The following VRK2 variants were observed in gnomAD, a reference collection of about 807,000 sequenced individuals.
VRK2 encodes the protein VRK serine/threonine kinase 2, also known as serine/threonine-protein kinase VRK2.
In VRK2, 60 loss-of-function variants were observed where a neutral mutation model predicts 57.6. That is an observed-to-expected ratio of 1.04 (90% CI 0.85 to 1.29). The LOEUF is 1.29. VRK2 is among the 50% of genes most tolerant of loss of function. VRK2 has a pLI of 0.00. For missense variants in VRK2, 705 were observed against 588.1 expected, an observed-to-expected ratio of 1.20 and a Z score of -2.06; for synonymous variants, 231 against 199.2, an observed-to-expected ratio of 1.16 and a Z score of -1.35.
At chr2:57,926,378 T>G (rs1477594540) in intron 1 of VRK2, among the ~76,000 whole-genome samples, 1 of 151,460 alleles carries the variant, frequency 6.6e-6, no homozygotes, top group Admixed American at 6.6e-5. Flanking sequence ...TAATAATATT[T>G]GCTTTATATA....
rs147166402 is a variant in VRK2, at chr2:58,123,144, A to T, written c.587A>T (p.Asn196Ile). The T allele has an allele frequency of 6.3e-7, 1 of 1,598,798 alleles. No homozygotes were observed. The highest frequency in any genetic ancestry group is 1.1e-5 in the South Asian group (1 of 87,624). ...GGACTTTCCTACAGATATTGTCCCA[A>T]TGGGAACCACAAACAGTATCAGGAA... ...DYGLSYRYCP[N>I]GNHKQYQENP... Residue 196 changes from asparagine to isoleucine, a missense_variant, in exon 8 of 13, where the codon AAT (asparagine) becomes ATT (isoleucine). Asn to Ile is a moderately radical substitution (Grantham distance 149, BLOSUM62 -3). Transcript: ENST00000340157.
chr2:58,027,914 T>C (rs1001092081), intron 2 of VRK2, among the ~76,000 whole-genome samples: 1 of 151,782 alleles, frequency 6.6e-6, no homozygotes, highest in African/African-American at 2.4e-5. Flanking sequence ...AGAAGAGGAA[T>C]TGAATGTGGA....
chr2:57,991,412 T>C (rs1224509932), intron 1 of VRK2, among the ~76,000 whole-genome samples: 2 of 151,520 alleles, frequency 1.3e-5, no homozygotes, highest in Admixed American at 6.6e-5. Context: ...GGAGGCACTG[T>C]CGTGAAGAAT....
chr2:58,041,437 C>CT, intron 3 of VRK2, among the ~76,000 whole-genome samples: 1 of 152,208 alleles, frequency 6.6e-6, no homozygotes, highest in African/African-American at 2.4e-5. Flanking sequence ...TATGCATACC[C>CT]TCTGCCCTTT....
chr2:58,088,523 G>A, intron 6 of VRK2, 77 bp downstream of exon 6: 1 of 1,118,616 alleles, frequency 8.9e-7, no homozygotes, highest in Non-Finnish European at 1.4e-6. Context: ...TCCCTTTGTG[G>A]AATTATTAGA....
intron 1 of VRK2, among the ~76,000 whole-genome samples, chr2:57,951,101 T>A (rs935989552): frequency 4.6e-5 from 7 of 151,700 alleles, no homozygotes; most frequent in East Asian, 3.9e-4. Flanking sequence ...AAAAAAAAAA[T>A]AATAAATAAA....
At chr2:58,046,598 C>A (rs978157778), upstream of VRK2, 5 of 985,482 alleles carry the variant, frequency 5.1e-6, no homozygotes, top group Non-Finnish European at 6.0e-6. Flanking sequence ...GCTCCCATTC[C>A]CCATGTAGCC....
At chr2:58,133,510 T>C (rs72953108) in intron 9 of VRK2, among the ~76,000 whole-genome samples, 5,645 of 152,236 alleles carry the variant, frequency 0.037, 355 homozygotes, top group African/African-American at 0.13. Flanking sequence ...CCCATAAGGG[T>C]GTGATTGTAT....
At chr2:57,952,880 G>A (rs1473992816) in intron 1 of VRK2, among the ~76,000 whole-genome samples, 2 of 152,112 alleles carry the variant, frequency 1.3e-5, no homozygotes, top group Non-Finnish European at 2.9e-5. Flanking sequence ...CTGTGGATGT[G>A]CCACCCTCAC....
At position 58,119,583 on chromosome 2, in the gene VRK2, G is replaced by A. The variant is rs17049350; in HGVS notation, c.544-3518G>A. 9.2e-3 allele frequency among the ~76,000 whole-genome samples: 1,392 copies of A among 150,944 alleles called. 19 individuals carry two copies. Among genetic ancestry groups the A allele is most frequent in the African/African-American group, 0.031 (1,288 of 41,170 alleles). On this transcript the variant is annotated intron_variant, in intron 7 of 12. Coordinates refer to ENST00000340157, the MANE Select transcript of VRK2 (RefSeq NM_006296.7). ...TAATTTGTCAACATTTTGATTACTC[G>A]GGACAGATTAGTGACTTGACTTCTT... is the stretch of plus-strand genomic sequence containing the variant.
rs375748183 is a variant in VRK2 at position 58,131,966 on chromosome 2, G to C, written c.797+38G>C. ...AAGTATTTCATCATGTACTGCACCA[G>C]GTCTGAAGGGATACATTAAAGGGAG... On this transcript the variant is annotated intron_variant, in intron 9 of 12. Transcript: ENST00000340157. 5 of 1,610,732 alleles carry C rather than the reference G, an allele frequency of 3.1e-6. No individual in the cohort carries two copies. The African/African-American group carries it at 6.7e-5, about 22-fold the overall frequency.
At chr2:58,142,482 A>C (rs535396215) in intron 11 of VRK2, among the ~76,000 whole-genome samples, 1 of 151,912 alleles carries the variant, frequency 6.6e-6, no homozygotes, top group East Asian at 1.9e-4. Context: ...ATGAAAAACA[A>C]ATCTTTTGGG....
chr2:58,048,846 A>C lies in VRK2; in HGVS notation c.15A>C (p.Arg5Ser). MPPK[R>S]NEKYKLPIPF... ...CAACAGAAGTGATGCCACCAAAAAG[A>C]AATGAAAAATACAAACTTCCTATTC... The change falls in exon 2 of 13, where the codon AGA becomes AGC. Residue 5 changes from arginine (R) to serine (S), a missense_variant. By Grantham distance (110) the Arg-to-Ser change is moderately radical. Transcript: ENST00000340157. 1.9e-6 allele frequency: 3 copies of C among 1,613,802 alleles called. No individual in the cohort carries two copies. The highest frequency in any genetic ancestry group is 2.5e-6 in the Non-Finnish European group (3 of 1,179,852).
chr2:57,978,504 G>A (rs1344002862), intron 1 of VRK2, among the ~76,000 whole-genome samples: 1 of 150,882 alleles, frequency 6.6e-6, no homozygotes, highest in African/African-American at 2.5e-5. Flanking sequence ...TAAAATTAAG[G>A]CAAGCAGAAC....
intron 8 of VRK2, among the ~76,000 whole-genome samples, chr2:58,131,108 C>G (rs1030447505): frequency 6.6e-6 from 1 of 151,858 alleles, no homozygotes; most frequent in East Asian, 1.9e-4. Context: ...ATTTGGCTCT[C>G]CCCCCAGCCT....
intron 12 of VRK2, among the ~76,000 whole-genome samples, chr2:58,156,122 T>TAA (rs1558715051): frequency 2.6e-5 from 4 of 151,954 alleles, no homozygotes; most frequent in African/African-American, 9.7e-5. Flanking sequence ...GCTTACTCTT[T>TAA]CTTGTCTATA....
chr2:57,940,432 T>G (rs1037613084), intron 1 of VRK2, among the ~76,000 whole-genome samples: 3 of 152,214 alleles, frequency 2.0e-5, no homozygotes, highest in Non-Finnish European at 4.4e-5. Context: ...TCTGCTTTAC[T>G]GAGTCCACTG....
At chr2:58,098,945 G>A (rs896859729) in intron 7 of VRK2, among the ~76,000 whole-genome samples, 1 of 151,850 alleles carries the variant, frequency 6.6e-6, no homozygotes, top group African/African-American at 2.4e-5. Flanking sequence ...TTATCCTCTT[G>A]GACCACCTAA....
intron 7 of VRK2, among the ~76,000 whole-genome samples, chr2:58,115,328 T>A (rs1367642027): frequency 6.6e-6 from 1 of 151,992 alleles, no homozygotes; most frequent in Non-Finnish European, 1.5e-5. Context: ...CCAGAAACAA[T>A]GGTAGTTGTG....
Sources: allele counts gnomAD v4.1 joint callset (sites outside exome capture counted in the v4.1 genomes callset), GRCh38; gene constraint gnomAD v4.1.1; transcripts MANE v1.5; gene names NCBI Gene and HGNC (gene_info 2026-07-23, HGNC 2026-07-21).